Variants in KLF8 observed in about 807,000 individuals in gnomAD.
The protein encoded by KLF8 is KLF transcription factor 8, also known as Krueppel-like factor 8.
Under a neutral mutation model 18.2 loss-of-function variants are expected in KLF8, and 10 were observed. That is an observed-to-expected ratio of 0.55 (90% CI 0.34 to 0.93). KLF8 has a LOEUF of 0.93. Ranked by LOEUF, KLF8 falls within the 40% of genes least tolerant of loss-of-function variation. KLF8 has a pLI of 0.02. For synonymous variants in KLF8, 109 were observed against 97.3 expected (o/e 1.12, Z -0.71); for missense variants, 264 against 277.9 (o/e 0.95, Z 0.36).
the KLF8 span, among the ~76,000 whole-genome samples, chrX:55,924,298 C>T: frequency 1.8e-5 from 2 of 111,145 alleles, no homozygotes; most frequent in Non-Finnish European, 3.8e-5. Flanking sequence ...AGGATGGTCT[C>T]GATTTCCTGA....
At chrX:56,053,679 T>G in the KLF8 span, among the ~76,000 whole-genome samples, 4 of 110,063 alleles carry the variant, frequency 3.6e-5, no homozygotes, top group Non-Finnish European at 3.8e-5. Flanking sequence ...TGATTCACTT[T>G]TGGTGCTCAT....
At chrX:56,009,537 C>T in the KLF8 span, among the ~76,000 whole-genome samples, 1 of 111,868 alleles carries the variant, frequency 8.9e-6, no homozygotes, top group Non-Finnish European at 1.9e-5. Flanking sequence ...ACCAAAAAAG[C>T]CAGAGTGACT....
At chrX:56,154,903 A>T in the KLF8 span, among the ~76,000 whole-genome samples, 3 of 112,183 alleles carry the variant, frequency 2.7e-5, no homozygotes, top group Non-Finnish European at 3.8e-5. Context: ...AACCACAATG[A>T]GATACCATCT....
At chrX:56,106,875 T>C in the KLF8 span, among the ~76,000 whole-genome samples, 1 of 112,432 alleles carries the variant, frequency 8.9e-6, no homozygotes, top group Non-Finnish European at 1.9e-5. Context: ...TCTTTGATAT[T>C]GGTGACCTAC....
chrX:56,101,435 G>T, the KLF8 span, among the ~76,000 whole-genome samples: 1 of 112,111 alleles, frequency 8.9e-6, no homozygotes, highest in South Asian at 3.7e-4. Context: ...GAATGTAGTA[G>T]TGCATGTGAC....
chrX:56,191,039 A>G, the KLF8 span, among the ~76,000 whole-genome samples: 1 of 111,782 alleles, frequency 8.9e-6, no homozygotes, highest in African/African-American at 3.2e-5. Flanking sequence ...TTTTTTGAAA[A>G]GTTAAACAAA....
At chrX:56,181,956 G>A in the KLF8 span, among the ~76,000 whole-genome samples, 1 of 110,752 alleles carries the variant, frequency 9.0e-6, no homozygotes, top group African/African-American at 3.3e-5. Flanking sequence ...TGCTCTTTTT[G>A]AGGAGTATCT....
chrX:56,025,728 C>T, the KLF8 span, among the ~76,000 whole-genome samples: 1 of 111,521 alleles, frequency 9.0e-6, no homozygotes, highest in Non-Finnish European at 1.9e-5. Flanking sequence ...TTTCAAATAC[C>T]GTGATCATGG....
the KLF8 span, among the ~76,000 whole-genome samples, chrX:56,001,882 C>T: frequency 2.7e-5 from 3 of 112,057 alleles, no homozygotes; most frequent in Non-Finnish European, 3.8e-5. Context: ...CCCATTCTCA[C>T]ATAGTAGCCA....
At chrX:56,075,687 G>A in the KLF8 span, among the ~76,000 whole-genome samples, 1 of 111,102 alleles carries the variant, frequency 9.0e-6, no homozygotes, top group Non-Finnish European at 1.9e-5. Context: ...CCAGCCTCTG[G>A]TAACCGTCCT....
At chrX:56,069,947 C>A in the KLF8 span, among the ~76,000 whole-genome samples, 1 of 112,763 alleles carries the variant, frequency 8.9e-6, no homozygotes, top group African/African-American at 3.2e-5. Flanking sequence ...AAGACACATG[C>A]ACACATATGT....
At chrX:55,988,682 T>C in the KLF8 span, among the ~76,000 whole-genome samples, 4 of 111,447 alleles carry the variant, frequency 3.6e-5, no homozygotes, top group Admixed American at 1.9e-4. Context: ...CGTGGCGATG[T>C]GGGCTCTTTT....
the KLF8 span, among the ~76,000 whole-genome samples, chrX:56,098,805 C>G: frequency 1.8e-5 from 2 of 111,413 alleles, no homozygotes; most frequent in African/African-American, 6.5e-5. Context: ...GTCTCTCTTG[C>G]AGATGACATG....
chrX:55,936,778 G>C, the KLF8 span, among the ~76,000 whole-genome samples: 3 of 110,979 alleles, frequency 2.7e-5, no homozygotes, highest in Non-Finnish European at 5.7e-5. Flanking sequence ...CTGGCTGTTT[G>C]TTAGCACAGG....
the KLF8 span, among the ~76,000 whole-genome samples, chrX:55,943,641 G>T: frequency 1.8e-5 from 2 of 112,122 alleles, no homozygotes; most frequent in African/African-American, 3.2e-5. Context: ...TCTAGGAGGT[G>T]AAAACTTAAG....
At chrX:55,995,933 G>A in the KLF8 span, among the ~76,000 whole-genome samples, 1 of 111,378 alleles carries the variant, frequency 9.0e-6, no homozygotes, top group African/African-American at 3.3e-5. Flanking sequence ...AGTAAGTTTC[G>A]GAAATTTTCA....
the KLF8 span, among the ~76,000 whole-genome samples, chrX:55,987,951 GTGA>G: frequency 2.7e-5 from 3 of 112,519 alleles, no homozygotes; most frequent in South Asian, 7.3e-4. Flanking sequence ...CTGATGGCCA[GTGA>G]TGATGAGCAT....
chrX:56,144,558 G>A, the KLF8 span, among the ~76,000 whole-genome samples: 1 of 108,204 alleles, frequency 9.2e-6, no homozygotes, highest in Non-Finnish European at 1.9e-5. Flanking sequence ...CACCAGCCTG[G>A]CCAAGATGGT....
At chrX:56,193,895 C>A in the KLF8 span, among the ~76,000 whole-genome samples, 5 of 111,725 alleles carry the variant, frequency 4.5e-5, no homozygotes, top group Admixed American at 3.8e-4. Flanking sequence ...ATTGGACCTA[C>A]TACTTGCTAG....
Sources: allele counts gnomAD v4.1 joint callset (sites outside exome capture counted in the v4.1 genomes callset), GRCh38; gene constraint gnomAD v4.1.1; transcripts MANE v1.5; gene names NCBI Gene and HGNC (gene_info 2026-07-23, HGNC 2026-07-21).